RBPJ: variants seen among roughly 807,000 people sequenced by gnomAD.
The protein encoded by RBPJ is recombination signal binding protein for immunoglobulin kappa J region.
Under a neutral mutation model 67.8 loss-of-function variants are expected in RBPJ, and 9 were observed. The observed-to-expected ratio is 0.13, with a 90% CI of 0.08 to 0.23. The LOEUF (loss-of-function observed/expected upper bound fraction) is 0.23. RBPJ is among the 10% of genes least tolerant of loss of function. The pLI, the probability that RBPJ is intolerant of heterozygous loss-of-function variation, is 1.00. For synonymous variants in RBPJ, 198 were observed against 203.3 expected (o/e 0.97, Z 0.22); for missense variants, 305 against 595.6 (o/e 0.51, Z 5.08).
In RBPJ at chr4:26,291,457, T is replaced by A. The variant is rs188338558; in HGVS notation, c.-166-70989T>A. ...AGAGCAAGGGCAGAAAATCAAGACA[T>A]CAAATTGTCATGTGGGAAATCTATT... is the stretch of plus-strand genomic sequence containing the variant. On this transcript the variant is annotated intron_variant, in intron 1 of 4. Coordinates refer to the RBPJ transcript ENST00000512351. 6.0e-5 allele frequency among the ~76,000 whole-genome samples: 9 copies of A among 150,958 alleles called. 2 individuals carry two copies. Among genetic ancestry groups the A allele is most frequent in the Admixed American group, 3.3e-4 (5 of 15,134 alleles).
upstream of RBPJ, among the ~76,000 whole-genome samples, chr4:26,320,136 G>A (rs1722865728): frequency 6.6e-6 from 1 of 152,216 alleles, no homozygotes; most frequent in Non-Finnish European, 1.5e-5. Flanking sequence ...CACGCGAGCG[G>A]CAAGAGCTTT....
chr4:26,298,872 G>A (rs2271384), intron 1 of RBPJ, among the ~76,000 whole-genome samples: 97,469 of 152,032 alleles, frequency 0.64, 31,721 homozygotes, highest in African/African-American at 0.75. Flanking sequence ...ATATTCTGAA[G>A]AAGTGCTTTT....
At chr4:26,297,593 GAGAC>G (rs1429360270) in intron 1 of RBPJ, among the ~76,000 whole-genome samples, 4 of 151,942 alleles carry the variant, frequency 2.6e-5, no homozygotes, top group Non-Finnish European at 5.9e-5. Flanking sequence ...ACTGGCTAAA[GAGAC>G]AGAGCATAAA....
chr4:26,281,527 G>A (rs912733756), intron 1 of RBPJ, among the ~76,000 whole-genome samples: 3 of 152,228 alleles, frequency 2.0e-5, no homozygotes, highest in Non-Finnish European at 2.9e-5. Context: ...CGATCCACTC[G>A]CCTCAGCCTC....
chr4:26,301,388 C>T (rs1269341480), intron 1 of RBPJ, among the ~76,000 whole-genome samples: 1 of 151,972 alleles, frequency 6.6e-6, no homozygotes, highest in Non-Finnish European at 1.5e-5. Flanking sequence ...GTCAGGAGAT[C>T]GAGACCATCT....
At chr4:26,343,791 C>T (rs1434710185) in intron 1 of RBPJ, among the ~76,000 whole-genome samples, 1 of 118,954 alleles carries the variant, frequency 8.4e-6, no homozygotes, top group Non-Finnish European at 1.6e-5. Flanking sequence ...GCTCTTCTTG[C>T]CCAGACTGGA....
chr4:26,383,653 C>T (rs559043877), intron 1 of RBPJ, among the ~76,000 whole-genome samples: 2 of 152,086 alleles, frequency 1.3e-5, no homozygotes, highest in African/African-American at 4.8e-5. Context: ...GTACACTATT[C>T]TATATATAAC....
At chr4:26,226,623 C>T (rs769653470) in intron 1 of RBPJ, among the ~76,000 whole-genome samples, 2 of 152,136 alleles carry the variant, frequency 1.3e-5, no homozygotes, top group East Asian at 1.9e-4. Context: ...TTGGGTTACA[C>T]GGAATGTAAT....
At chr4:26,366,636 G>A (rs1728657232) in intron 1 of RBPJ, among the ~76,000 whole-genome samples, 1 of 151,906 alleles carries the variant, frequency 6.6e-6, no homozygotes, top group Non-Finnish European at 1.5e-5. Context: ...TAGCCAGGAT[G>A]GCCTCAATCT....
At chr4:26,319,554 C>T, upstream of RBPJ, 1 of 430,398 alleles carries the variant, frequency 2.3e-6, no homozygotes, top group Non-Finnish European at 4.2e-6. Flanking sequence ...AGGCAAACAC[C>T]TGTCCTGCCT....
At chr4:26,267,759 C>T (rs1720750415) in intron 1 of RBPJ, among the ~76,000 whole-genome samples, 1 of 152,004 alleles carries the variant, frequency 6.6e-6, no homozygotes, top group Admixed American at 6.6e-5. Flanking sequence ...AGGCACGCAC[C>T]ACCACACCTG....
intron 3 of RBPJ, 139 bp from the exon 4 acceptor site, chr4:26,415,336 G>C (rs564747043): frequency 2.9e-6 from 2 of 692,244 alleles, no homozygotes; most frequent in Admixed American, 3.4e-5. Flanking sequence ...ATTACAAAAG[G>C]CTTCACCAAA....
At chr4:26,296,975 A>C (rs1721895219) in intron 1 of RBPJ, among the ~76,000 whole-genome samples, 1 of 152,186 alleles carries the variant, frequency 6.6e-6, no homozygotes, top group Admixed American at 6.5e-5. Context: ...CTGTGTTTAT[A>C]GAATTCCAGA....
intron 1 of RBPJ, among the ~76,000 whole-genome samples, chr4:26,306,394 T>C (rs1395508055): frequency 6.6e-6 from 1 of 151,742 alleles, no homozygotes; most frequent in African/African-American, 2.4e-5. Context: ...GTGTCAATAT[T>C]ATAAGAGGTA....
intron 1 of RBPJ, among the ~76,000 whole-genome samples, chr4:26,365,457 C>G (rs1178035099): frequency 6.6e-6 from 1 of 151,930 alleles, no homozygotes; most frequent in Non-Finnish European, 1.5e-5. Context: ...ATGAGTGGGT[C>G]AAGAAATAAA....
chr4:26,228,860 C>T (rs1293987554), intron 1 of RBPJ, among the ~76,000 whole-genome samples: 2 of 152,200 alleles, frequency 1.3e-5, no homozygotes, highest in South Asian at 4.1e-4. Context: ...GGTACAGAAA[C>T]TCTCTGTTAC....
chr4:26,258,085 A>G (rs1267964540), intron 1 of RBPJ, among the ~76,000 whole-genome samples: 2 of 152,254 alleles, frequency 1.3e-5, no homozygotes, highest in Non-Finnish European at 2.9e-5. Context: ...TAAGAATACC[A>G]GGGGAAGTGA....
At chr4:26,167,365 A>G (rs2109113252) in intron 1 of RBPJ, among the ~76,000 whole-genome samples, 1 of 151,446 alleles carries the variant, frequency 6.6e-6, no homozygotes, top group South Asian at 2.1e-4. Context: ...ATGTTCTTCC[A>G]TTTGTTTGTA....
At chr4:26,174,601 C>T (rs1159575317) in intron 1 of RBPJ, among the ~76,000 whole-genome samples, 1 of 152,186 alleles carries the variant, frequency 6.6e-6, no homozygotes, top group African/African-American at 2.4e-5. Flanking sequence ...TCCTGAGTAG[C>T]TGAGGCTACA....
Sources: gnomAD v4.1 joint callset for allele counts (sites outside exome capture counted in the v4.1 genomes callset) on GRCh38, gnomAD v4.1.1 for gene constraint, MANE v1.5 for transcripts, NCBI Gene and HGNC (gene_info 2026-07-23, HGNC 2026-07-21) for gene names.